The following DNER variants were observed in gnomAD, a reference collection of about 807,000 sequenced individuals.
The protein encoded by DNER is delta and Notch-like epidermal growth factor-related receptor.
Under a neutral mutation model 78.2 loss-of-function variants are expected in DNER, and 33 were observed. The observed-to-expected ratio is 0.42, with a 90% CI of 0.32 to 0.56. DNER has a LOEUF of 0.56. DNER is among the 20% of genes least tolerant of loss of function. The probability of loss-of-function intolerance (pLI) is 0.11; values close to 1 mark genes in which losing one functional copy is unlikely to be tolerated. For missense variants in DNER, 918 were observed against 975.3 expected (o/e 0.94, Z 0.78); for synonymous variants, 417 against 384.8 (o/e 1.08, Z -0.98).
intron 1 of DNER, among the ~76,000 whole-genome samples, chr2:229,698,075 G>A (rs902152707): frequency 3.3e-5 from 5 of 152,174 alleles, no homozygotes; most frequent in African/African-American, 1.2e-4. Context: ...ATGGTGGCAT[G>A]TGCCTGTAGT....
intron 7 of DNER, among the ~76,000 whole-genome samples, chr2:229,470,415 C>G (rs1694899330): frequency 6.6e-6 from 1 of 151,836 alleles, no homozygotes; most frequent in African/African-American, 2.4e-5. Context: ...TTCCCCAGTG[C>G]TAATGAAAAA....
chr2:229,583,242 T>G (rs944203840), intron 4 of DNER, among the ~76,000 whole-genome samples: 1 of 152,210 alleles, frequency 6.6e-6, no homozygotes, highest in Non-Finnish European at 1.5e-5. Context: ...ATAAACCTAG[T>G]GTAAACTGAA....
At chr2:229,476,751 T>C (rs1004723271) in intron 7 of DNER, among the ~76,000 whole-genome samples, 1 of 152,066 alleles carries the variant, frequency 6.6e-6, no homozygotes, top group African/African-American at 2.4e-5. Flanking sequence ...GACTTGAATT[T>C]TCTAAGACAT....
intron 1 of DNER, among the ~76,000 whole-genome samples, chr2:229,699,039 T>C (rs376345837): frequency 4.2e-4 from 64 of 152,328 alleles, no homozygotes; most frequent in African/African-American, 1.5e-3. Context: ...TTGCTGAATA[T>C]TAGTGCAAGC....
At position 229,378,910 on chromosome 2, in the gene DNER, C is replaced by T. The variant is rs151304291; in HGVS notation, c.1855+9355G>A. 2.1e-3 allele frequency among the ~76,000 whole-genome samples: 325 copies of T among 152,272 alleles called. 1 individual carries two copies. The highest frequency in any genetic ancestry group is 7.1e-3 in the African/African-American group (297 of 41,564). ...CCACTGGTTTCAGCTATGTGTCATC[C>T]GCAAACCTCATACACACGGTCTCCT... On this transcript the variant is annotated intron_variant, in intron 11 of 12. Transcript: ENST00000341772.
intron 1 of DNER, among the ~76,000 whole-genome samples, chr2:229,672,949 C>T (rs529061032): frequency 6.6e-6 from 1 of 152,322 alleles, no homozygotes; most frequent in South Asian, 2.1e-4. Flanking sequence ...CATGTCTTCA[C>T]CCAATGACCA....
At chr2:229,466,386 T>G (rs968804591) in intron 7 of DNER, among the ~76,000 whole-genome samples, 19 of 152,212 alleles carry the variant, frequency 1.2e-4, no homozygotes, top group African/African-American at 4.1e-4. Flanking sequence ...TTCCTCTGCC[T>G]GCAGCCCTAC....
At chr2:229,603,102 TA>T (rs1189017860) in intron 1 of DNER, among the ~76,000 whole-genome samples, 2 of 152,126 alleles carry the variant, frequency 1.3e-5, no homozygotes, top group Non-Finnish European at 2.9e-5. Flanking sequence ...GTCTTTTCAA[TA>T]AACTGATATC....
chr2:229,457,999 G>A (rs1035644069), intron 7 of DNER, among the ~76,000 whole-genome samples: 1 of 151,346 alleles, frequency 6.6e-6, no homozygotes, highest in African/African-American at 2.4e-5. Flanking sequence ...AGTCAGGTGT[G>A]GTGGTGTGCA....
chr2:229,458,389 G>A (rs1231028087), intron 7 of DNER, among the ~76,000 whole-genome samples: 3 of 151,906 alleles, frequency 2.0e-5, no homozygotes, highest in Non-Finnish European at 4.4e-5. Context: ...AAAACTGCTA[G>A]CAAGAGAAAC....
chr2:229,496,814 T>G (rs2161076), intron 6 of DNER, among the ~76,000 whole-genome samples: 42,015 of 152,042 alleles, frequency 0.28, 6,022 homozygotes, highest in South Asian at 0.34. Context: ...AGGCAAATAT[T>G]AATATATCTG....
chr2:229,654,337 G>A (rs1439993143), intron 1 of DNER, among the ~76,000 whole-genome samples: 1 of 152,146 alleles, frequency 6.6e-6, no homozygotes, highest in Non-Finnish European at 1.5e-5. Context: ...CTGCTATAAA[G>A]ACACATGCAC....
intron 7 of DNER, among the ~76,000 whole-genome samples, chr2:229,449,200 A>C (rs1694401072): frequency 6.6e-6 from 1 of 152,232 alleles, no homozygotes; most frequent in Non-Finnish European, 1.5e-5. Context: ...CTCAAGTGGA[A>C]TATAATTCTA....
rs186860796 is a variant in DNER at position 229,649,840 on chromosome 2, T to C, written c.277-57952A>G. On this transcript the variant is annotated intron_variant, in intron 1 of 12. Transcript: ENST00000341772. ...CTGTAATCCCAGCACTTTGGGAGGC[T>C]GAGGCGGGCGGATCACGAGGTCAGG... is the stretch of plus-strand genomic sequence containing the variant. 2.0e-3 allele frequency among the ~76,000 whole-genome samples: 304 copies of C among 152,206 alleles called. 3 individuals carry two copies. The highest frequency in any genetic ancestry group is 6.9e-3 in the African/African-American group (288 of 41,554).
At chr2:229,611,927 G>A (rs1698055883) in intron 1 of DNER, among the ~76,000 whole-genome samples, 1 of 152,192 alleles carries the variant, frequency 6.6e-6, no homozygotes, top group African/African-American at 2.4e-5. Context: ...TCTTCGATAT[G>A]CAGGTAAGGA....
intron 10 of DNER, among the ~76,000 whole-genome samples, chr2:229,405,887 GA>G (rs1484147708): frequency 5.9e-5 from 9 of 152,106 alleles, no homozygotes; most frequent in East Asian, 3.9e-4. Context: ...AATATCTGGG[GA>G]AAAAAAACCC....
intron 11 of DNER, among the ~76,000 whole-genome samples, chr2:229,384,850 C>T (rs965497386): frequency 2.0e-5 from 3 of 152,144 alleles, no homozygotes; most frequent in African/African-American, 7.2e-5. Context: ...GAGCTGGTAC[C>T]ATTCCTTCTG....
chr2:229,518,788 C>T (rs1008242486), intron 5 of DNER, among the ~76,000 whole-genome samples: 4 of 152,318 alleles, frequency 2.6e-5, no homozygotes, highest in African/African-American at 9.6e-5. Context: ...CCTAATATGA[C>T]ATCCACTATG....
chr2:229,674,452 T>C (rs903055156), intron 1 of DNER, among the ~76,000 whole-genome samples: 5 of 152,198 alleles, frequency 3.3e-5, no homozygotes, highest in Non-Finnish European at 7.4e-5. Context: ...CTGATTTTTG[T>C]ATTTTTACTA....
Sources: gnomAD v4.1 joint callset for allele counts (sites outside exome capture counted in the v4.1 genomes callset) on GRCh38, gnomAD v4.1.1 for gene constraint, MANE v1.5 for transcripts, NCBI Gene and HGNC (gene_info 2026-07-23, HGNC 2026-07-21) for gene names.